The following IGSF5 variants were observed in gnomAD, a reference collection of about 807,000 sequenced individuals.
The protein encoded by IGSF5 is immunoglobulin superfamily member 5, also known as immunoglobulin superfamily 5 like.
A neutral mutation model predicts 39.4 loss-of-function variants in IGSF5; 41 were observed. The ratio of observed to expected loss-of-function variants is 1.04; its 90% CI spans 0.81 to 1.35. The LOEUF is 1.35. Among genes scored for constraint, IGSF5 ranks in the 40% most tolerant of loss-of-function variants. The pLI is 0.00. For missense variants in IGSF5, 487 were observed against 494.6 expected, an observed-to-expected ratio of 0.98 and a Z score of 0.15; for synonymous variants, 183 against 175.3, an observed-to-expected ratio of 1.04 and a Z score of -0.34.
At chr21:39,732,804 T>C in the IGSF5 span, among the ~76,000 whole-genome samples, 1 of 152,184 alleles carries the variant, frequency 6.6e-6, no homozygotes, top group African/African-American at 2.4e-5. Context: ...AGCAGGTGGA[T>C]TGCTTGAGCT....
At chr21:39,769,653 G>C (rs1601130884) in intron 3 of IGSF5, among the ~76,000 whole-genome samples, 2 of 152,048 alleles carry the variant, frequency 1.3e-5, no homozygotes, top group African/African-American at 2.4e-5. Context: ...TGAAGAGACA[G>C]CTATGAGAAT....
chr21:39,748,536 C>G (rs556125874), intron 2 of IGSF5, among the ~76,000 whole-genome samples: 2 of 151,970 alleles, frequency 1.3e-5, no homozygotes, highest in South Asian at 4.2e-4. Context: ...GTCTGGAACT[C>G]CTGACCTCAT....
chr21:39,724,425 G>A, the IGSF5 span, among the ~76,000 whole-genome samples: 44 of 152,276 alleles, frequency 2.9e-4, no homozygotes, highest in African/African-American at 8.2e-4. Context: ...GTTGTGGGAG[G>A]GACCCTGTGG....
chr21:39,755,070 G>A (rs10470190), intron 2 of IGSF5, among the ~76,000 whole-genome samples: 46,499 of 152,096 alleles, frequency 0.31, 8,782 homozygotes, highest in Admixed American at 0.5. Flanking sequence ...TTAGTCTGTT[G>A]CCTGACTCTA....
At chr21:39,792,330 A>G (rs943771719) in intron 7 of IGSF5, among the ~76,000 whole-genome samples, 2 of 152,184 alleles carry the variant, frequency 1.3e-5, no homozygotes, top group Non-Finnish European at 2.9e-5. Flanking sequence ...AAGAACCCTG[A>G]GAGCTTTAAA....
the IGSF5 span, among the ~76,000 whole-genome samples, chr21:39,734,557 C>T: frequency 6.6e-6 from 1 of 151,866 alleles, no homozygotes; most frequent in Non-Finnish European, 1.5e-5. Flanking sequence ...TCTCTCTCTC[C>T]TCTAGCTCCT....
intron 5 of IGSF5, among the ~76,000 whole-genome samples, chr21:39,779,572 C>T (rs1025993123): frequency 1.3e-5 from 2 of 152,160 alleles, no homozygotes; most frequent in East Asian, 3.8e-4. Flanking sequence ...AAAGAAATGA[C>T]ATCTTCATAT....
chr21:39,744,078 G>T (rs576715954), upstream of IGSF5, among the ~76,000 whole-genome samples: 1 of 152,022 alleles, frequency 6.6e-6, no homozygotes, highest in African/African-American at 2.4e-5. Flanking sequence ...CCTTTCCAGG[G>T]TGCGTAACCA....
chr21:39,765,963 G>T (rs2080085670), intron 3 of IGSF5, 111 bp downstream of exon 3: 1 of 948,334 alleles, frequency 1.1e-6, no homozygotes, highest in Non-Finnish European at 1.6e-6. Context: ...CCTTCAGTTG[G>T]TGTTGACCTA....
At position 39,771,155 on chromosome 21, in the gene IGSF5, A is replaced by G; in HGVS notation, c.658A>G (p.Lys220Glu). 6.2e-7 allele frequency: 1 copy of G among 1,606,922 alleles called. No homozygotes were observed. The highest frequency in any genetic ancestry group is 8.5e-7 in the Non-Finnish European group (1 of 1,175,982). Residue 220 changes from lysine to glutamate, a missense_variant, in exon 4 of 9, where the codon AAG becomes GAG. By Grantham distance (56) the Lys-to-Glu change is moderately conservative (BLOSUM62 1). Transcript: ENST00000380588. ...GACTTTGACTTGCGTGGCTACCTGG[A>G]AGAGCCTGAAGGCCCGCAAGTCTGC... is the stretch of plus-strand genomic sequence containing the variant. ...NGTLTCVATWKSLKARKSATV... is the reference protein window; with the variant it reads ...NGTLTCVATWESLKARKSATV...
intron 5 of IGSF5, among the ~76,000 whole-genome samples, chr21:39,782,024 T>C (rs1304537477): frequency 8.3e-6 from 1 of 120,176 alleles, no homozygotes; most frequent in Non-Finnish European, 1.7e-5. Context: ...ATATGTTGTA[T>C]GCATCTAATT....
chr21:39,792,624 C>T (rs1467416011), intron 7 of IGSF5, among the ~76,000 whole-genome samples: 2 of 152,058 alleles, frequency 1.3e-5, no homozygotes, highest in Non-Finnish European at 2.9e-5. Context: ...GGGGTAACTT[C>T]CTCCCAATTT....
At position 39,760,728 on chromosome 21, in the gene IGSF5, G is replaced by A. The variant is rs8130899; in HGVS notation, c.101-4807G>A. ...TGGGACTACAAATGCATGCCACCAC[G>A]CCCAGCTAATTTTTTGTATTTTGAG... On this transcript the variant is annotated intron_variant, in intron 2 of 8. Coordinates refer to ENST00000380588, the MANE Select transcript of IGSF5 (RefSeq NM_001080444.2). 3.0e-3 allele frequency among the ~76,000 whole-genome samples: 458 copies of A among 152,090 alleles called. 3 individuals carry two copies. The highest frequency in any genetic ancestry group is 0.011 in the African/African-American group (437 of 41,510).
At chr21:39,750,798 G>A (rs981880765) in intron 2 of IGSF5, among the ~76,000 whole-genome samples, 3 of 152,236 alleles carry the variant, frequency 2.0e-5, no homozygotes, top group African/African-American at 7.2e-5. Flanking sequence ...CTGGGAGAAG[G>A]AGCCAGTTCC....
At chr21:39,784,586 T>A (rs2080187270) in intron 5 of IGSF5, among the ~76,000 whole-genome samples, 1 of 152,166 alleles carries the variant, frequency 6.6e-6, no homozygotes, top group Non-Finnish European at 1.5e-5. Context: ...ATGAAAAGCC[T>A]TTATAAGAGT....
the IGSF5 span, among the ~76,000 whole-genome samples, chr21:39,738,287 T>G: frequency 1.3e-5 from 2 of 152,156 alleles, no homozygotes; most frequent in Non-Finnish European, 2.9e-5. The surrounding 1 kb of genome is among the most constrained non-coding windows in gnomAD (Gnocchi z 6.4). Flanking sequence ...GCGGAAACCC[T>G]TTTTAAAACC....
the IGSF5 span, among the ~76,000 whole-genome samples, chr21:39,715,785 G>T: frequency 6.6e-6 from 1 of 152,092 alleles, no homozygotes; most frequent in Admixed American, 6.5e-5. Flanking sequence ...TCATTCACGG[G>T]CTTTATAATT....
At chr21:39,715,760 A>G in the IGSF5 span, among the ~76,000 whole-genome samples, 1 of 152,262 alleles carries the variant, frequency 6.6e-6, no homozygotes, top group Non-Finnish European at 1.5e-5. Context: ...AGAAGAAAAT[A>G]TGGCTGGAAG....
the IGSF5 span, among the ~76,000 whole-genome samples, chr21:39,738,808 T>C: frequency 6.6e-6 from 1 of 151,820 alleles, no homozygotes; most frequent in African/African-American, 2.4e-5. This position sits in a 1 kb window ranked among gnomAD's most constrained non-coding sequence, Gnocchi z 6.4. Context: ...GTCGTTCTTA[T>C]CTCCCTCATA....
Sources: allele counts gnomAD v4.1 joint callset (sites outside exome capture counted in the v4.1 genomes callset), GRCh38; gene constraint gnomAD v4.1.1; non-coding constraint Gnocchi (gnomAD v3.1); transcripts MANE v1.5; gene names NCBI Gene and HGNC (gene_info 2026-07-23, HGNC 2026-07-21).